Variants in CCDC91 observed in about 807,000 individuals in gnomAD.
CCDC91 encodes coiled-coil domain-containing protein 91.
CCDC91 carries 48 observed loss-of-function variants against 63.2 expected under a neutral mutation model. That is an observed-to-expected ratio of 0.76 (90% CI 0.60 to 0.97). The LOEUF (loss-of-function observed/expected upper bound fraction) is 0.97, where lower values mean the gene tolerates loss of function less well. Among genes scored for constraint, CCDC91 ranks in the 50% least tolerant of loss-of-function variants. The probability of loss-of-function intolerance (pLI) is 0.00; values close to 1 mark genes in which losing one functional copy is unlikely to be tolerated. For synonymous variants in CCDC91, 167 were observed against 165.8 expected (o/e 1.01, Z -0.06); for missense variants, 500 against 494.6 (o/e 1.01, Z -0.10).
chr12:28,373,048 G>A (rs58023782), intron 7 of CCDC91, among the ~76,000 whole-genome samples: 1 of 152,022 alleles, frequency 6.6e-6, no homozygotes, highest in African/African-American at 2.4e-5. Context: ...ATTATAAGTT[G>A]TATCTCCTAA....
chr12:28,320,952 A>T (rs1940433536), intron 6 of CCDC91, among the ~76,000 whole-genome samples: 1 of 151,844 alleles, frequency 6.6e-6, no homozygotes, highest in Admixed American at 6.6e-5. Context: ...TTGAATGTTT[A>T]CTTGTTGAGA....
chr12:28,326,302 T>C (rs1238994518), intron 6 of CCDC91, among the ~76,000 whole-genome samples: 15 of 152,114 alleles, frequency 9.9e-5, no homozygotes, highest in Non-Finnish European at 4.4e-5. Context: ...CCATTTGGGA[T>C]ATTTTTTATT....
chr12:28,513,905 T>C (rs1939652760), intron 12 of CCDC91, among the ~76,000 whole-genome samples: 1 of 151,898 alleles, frequency 6.6e-6, no homozygotes, highest in East Asian at 1.9e-4. Flanking sequence ...CTATTGTGAA[T>C]AGCACAGCAG....
chr12:28,497,489 G>C (rs1453278843), intron 12 of CCDC91, among the ~76,000 whole-genome samples: 7 of 151,336 alleles, frequency 4.6e-5, no homozygotes, highest in Admixed American at 1.3e-4. Context: ...GTTGTGGCTC[G>C]GGACATTATA....
intron 8 of CCDC91, among the ~76,000 whole-genome samples, chr12:28,446,302 C>A (rs1239769242): frequency 1.3e-5 from 2 of 152,114 alleles, no homozygotes; most frequent in Non-Finnish European, 2.9e-5. Flanking sequence ...TATTGTGAAG[C>A]TTACTCACAT....
intron 8 of CCDC91, among the ~76,000 whole-genome samples, chr12:28,414,345 A>G (rs1362173290): frequency 6.6e-6 from 1 of 152,066 alleles, no homozygotes; most frequent in African/African-American, 2.4e-5. Context: ...AAAAATTCTT[A>G]TTTTGTCTGT....
At chr12:28,375,543 T>C (rs1944892888) in intron 7 of CCDC91, among the ~76,000 whole-genome samples, 5 of 151,952 alleles carry the variant, frequency 3.3e-5, no homozygotes, top group Admixed American at 2.6e-4. Context: ...TTTGTTGAAG[T>C]ACAAAAGAAA....
At chr12:28,516,805 A>G (rs1333750622) in intron 12 of CCDC91, among the ~76,000 whole-genome samples, 1 of 151,774 alleles carries the variant, frequency 6.6e-6, no homozygotes, top group Non-Finnish European at 1.5e-5. Flanking sequence ...CAACCCTACT[A>G]CCTCAGTAAT....
At chr12:28,533,697 A>T (rs936142193) in intron 12 of CCDC91, among the ~76,000 whole-genome samples, 1 of 152,006 alleles carries the variant, frequency 6.6e-6, no homozygotes, top group African/African-American at 2.4e-5. Context: ...CATTACAATG[A>T]CCCTTAATAT....
At chr12:28,300,778 T>A (rs1388522755) in intron 3 of CCDC91, among the ~76,000 whole-genome samples, 1 of 151,632 alleles carries the variant, frequency 6.6e-6, no homozygotes, top group East Asian at 1.9e-4. Flanking sequence ...GGTCTATTTC[T>A]TTGTCTTTCA....
intron 6 of CCDC91, among the ~76,000 whole-genome samples, chr12:28,322,413 C>A (rs1940596925): frequency 6.6e-6 from 1 of 151,822 alleles, no homozygotes; most frequent in Admixed American, 6.6e-5. Flanking sequence ...TTTAAAAAAT[C>A]CTTGGCCTCT....
intron 1 of CCDC91, among the ~76,000 whole-genome samples, chr12:28,194,080 T>A (rs190918396): frequency 3.2e-4 from 48 of 152,346 alleles, no homozygotes; most frequent in African/African-American, 1.2e-3. Context: ...TTTTCTCTTA[T>A]GATTTGTGCT....
chr12:28,386,112 C>T (rs11830239), intron 7 of CCDC91, among the ~76,000 whole-genome samples: 5 of 152,078 alleles, frequency 3.3e-5, no homozygotes, highest in African/African-American at 4.8e-5. Flanking sequence ...GATCTCTGGT[C>T]GGTACCAAAT....
At chr12:28,437,146 TAA>T (rs1389449392) in intron 8 of CCDC91, among the ~76,000 whole-genome samples, 3 of 144,340 alleles carry the variant, frequency 2.1e-5, no homozygotes, top group Non-Finnish European at 4.8e-5. Flanking sequence ...GATTTATCAG[TAA>T]AAGTGTCCTT....
intron 8 of CCDC91, among the ~76,000 whole-genome samples, chr12:28,443,162 T>G (rs1344204272): frequency 2.0e-5 from 3 of 151,208 alleles, no homozygotes; most frequent in Non-Finnish European, 4.4e-5. Context: ...GTTTAATGAA[T>G]TATCTGTTAT....
At chr12:28,253,289 T>C (rs565967191) in intron 1 of CCDC91, among the ~76,000 whole-genome samples, 1 of 152,200 alleles carries the variant, frequency 6.6e-6, no homozygotes, top group East Asian at 1.9e-4. Flanking sequence ...GGTTGCTGAG[T>C]AGTGAAAGAT....
At chr12:28,258,015 C>T (rs578242824) in intron 2 of CCDC91, among the ~76,000 whole-genome samples, 3 of 150,784 alleles carry the variant, frequency 2.0e-5, no homozygotes, top group Non-Finnish European at 4.4e-5. Context: ...TAATTAATGA[C>T]CTTAATAGGA....
intron 11 of CCDC91, among the ~76,000 whole-genome samples, chr12:28,470,442 C>T (rs1950758957): frequency 1.3e-5 from 2 of 152,042 alleles, no homozygotes; most frequent in Admixed American, 6.6e-5. Context: ...GAACAAATGC[C>T]TGGCAAGGAT....
At chr12:28,465,675 T>C (rs187965076) in intron 11 of CCDC91, among the ~76,000 whole-genome samples, 1 of 152,228 alleles carries the variant, frequency 6.6e-6, no homozygotes, top group Admixed American at 6.5e-5. Flanking sequence ...CTTTCAAATA[T>C]TTGGAAAGCC....
Sources: allele counts gnomAD v4.1 joint callset (sites outside exome capture counted in the v4.1 genomes callset), GRCh38; gene constraint gnomAD v4.1.1; transcripts MANE v1.5; gene names NCBI Gene and HGNC (gene_info 2026-07-23, HGNC 2026-07-21).